Variants in SRGAP1 observed in about 807,000 individuals in gnomAD.
The protein encoded by SRGAP1 is SLIT-ROBO Rho GTPase activating protein 1, also known as SLIT-ROBO Rho GTPase-activating protein 1.
A neutral mutation model predicts 121.9 loss-of-function variants in SRGAP1; 43 were observed. The ratio of observed to expected loss-of-function variants is 0.35; its 90% CI spans 0.28 to 0.46. SRGAP1 has a LOEUF of 0.46. Among genes scored for constraint, SRGAP1 ranks in the 20% least tolerant of loss-of-function variants. SRGAP1 has a pLI of 1.00. For synonymous variants in SRGAP1, 447 were observed against 485.4 expected (o/e 0.92, Z 1.04); for missense variants, 1,102 against 1,350.9 (o/e 0.82, Z 2.89).
At chr12:63,943,270 T>A (rs1168882717) in intron 1 of SRGAP1, among the ~76,000 whole-genome samples, 1 of 152,244 alleles carries the variant, frequency 6.6e-6, no homozygotes, top group Non-Finnish European at 1.5e-5. Flanking sequence ...TGCAAGGCCC[T>A]GTGCCAGGAG....
At chr12:63,870,909 G>A (rs1416904173) in intron 1 of SRGAP1, among the ~76,000 whole-genome samples, 1 of 152,096 alleles carries the variant, frequency 6.6e-6, no homozygotes, top group Non-Finnish European at 1.5e-5. Flanking sequence ...TTGGGAAAGA[G>A]GTTGTATCTC....
At chr12:64,088,390 A>G (rs2035985710) in intron 11 of SRGAP1, among the ~76,000 whole-genome samples, 1 of 152,220 alleles carries the variant, frequency 6.6e-6, no homozygotes, top group Non-Finnish European at 1.5e-5. Flanking sequence ...AGGCACTTCA[A>G]AAAAAGAGAT....
intron 4 of SRGAP1, among the ~76,000 whole-genome samples, chr12:64,026,762 A>G (rs1055028475): frequency 3.3e-5 from 5 of 151,764 alleles, no homozygotes; most frequent in Admixed American, 2.6e-4. Flanking sequence ...GCTACTTGGA[A>G]GGCTGAGTCG....
At chr12:63,903,754 CCT>C (rs1445998854) in intron 1 of SRGAP1, among the ~76,000 whole-genome samples, 2 of 152,106 alleles carry the variant, frequency 1.3e-5, no homozygotes, top group African/African-American at 4.8e-5. Flanking sequence ...CCTGCCTCAG[CCT>C]CCTGAGTAGC....
intron 18 of SRGAP1, among the ~76,000 whole-genome samples, chr12:64,124,731 C>T (rs2036660180): frequency 6.6e-6 from 1 of 152,158 alleles, no homozygotes; most frequent in African/African-American, 2.4e-5. Context: ...AGAATTAGAT[C>T]AGAGCTGAAT....
intron 6 of SRGAP1, among the ~76,000 whole-genome samples, chr12:64,044,382 T>C (rs901160977): frequency 5.9e-5 from 9 of 152,146 alleles, no homozygotes; most frequent in African/African-American, 2.2e-4. Context: ...TTAAGTGCCA[T>C]AAAAACAGCA....
Position 64,127,614 on chromosome 12 carries a change from G to A in SRGAP1, c.2430G>A (p.Leu810=), listed in dbSNP as rs1381033904. The A allele has an allele frequency of 6.2e-7, 1 of 1,613,806 alleles. No homozygotes were observed. The highest frequency in any genetic ancestry group is 8.5e-7 in the Non-Finnish European group (1 of 1,179,954). ...QDMDDTFSDT[L]SQKADSEASS... The stretch of plus-strand genomic sequence containing the variant: ...GGGATGATACGTTTTCAGACACTCT[G>A]AGCCAAAAAGCCGACAGTGAGGCCA... Residue 810 remains leucine (L), a synonymous_variant, in exon 20 of 22, where the codon CTG becomes CTA. Transcript: ENST00000355086.
intron 1 of SRGAP1, among the ~76,000 whole-genome samples, chr12:63,967,818 C>G (rs2032831177): frequency 6.6e-6 from 1 of 152,214 alleles, no homozygotes; most frequent in African/African-American, 2.4e-5. Context: ...TGTATCAGCA[C>G]TGAGAGCAGA....
chr12:63,967,689 T>G (rs2032828432), intron 1 of SRGAP1, among the ~76,000 whole-genome samples: 1 of 152,176 alleles, frequency 6.6e-6, no homozygotes, highest in Admixed American at 6.5e-5. Flanking sequence ...TGTTGTTAAG[T>G]GTGAGATTCT....
chr12:63,877,253 G>C (rs970912728), intron 1 of SRGAP1, among the ~76,000 whole-genome samples: 2 of 152,110 alleles, frequency 1.3e-5, no homozygotes, highest in African/African-American at 4.8e-5. Flanking sequence ...TAATGGATGG[G>C]AATGCTTCTT....
At chr12:64,079,310 TTTAG>T (rs775057340) in intron 9 of SRGAP1, among the ~76,000 whole-genome samples, 194 bp downstream of exon 9, 16 of 152,086 alleles carry the variant, frequency 1.1e-4, no homozygotes, top group African/African-American at 3.4e-4. Flanking sequence ...TTAGGAGTTA[TTTAG>T]TTAGTTAGAG....
chr12:63,987,173 T>C (rs2033441288), intron 2 of SRGAP1, among the ~76,000 whole-genome samples: 1 of 152,212 alleles, frequency 6.6e-6, no homozygotes, highest in South Asian at 2.1e-4. Flanking sequence ...TCCTTCTCCT[T>C]TTAACCAAAC....
chr12:64,099,394 A>G (rs2036218990), intron 15 of SRGAP1, among the ~76,000 whole-genome samples: 2 of 152,204 alleles, frequency 1.3e-5, no homozygotes, highest in African/African-American at 4.8e-5. Flanking sequence ...CCCGAAGGTT[A>G]GGAATTAGTT....
At chr12:63,935,764 A>G (rs2031642504) in intron 1 of SRGAP1, among the ~76,000 whole-genome samples, 2 of 152,326 alleles carry the variant, frequency 1.3e-5, no homozygotes, top group South Asian at 2.1e-4. Flanking sequence ...TCCTCCAAAG[A>G]AATAGAGCAG....
At chr12:63,873,473 C>T (rs1899922517) in intron 1 of SRGAP1, among the ~76,000 whole-genome samples, 1 of 146,348 alleles carries the variant, frequency 6.8e-6, no homozygotes, top group Admixed American at 7.0e-5. Context: ...GCAGAAGTTG[C>T]AGTGAGCCGA....
chr12:63,939,717 A>G (rs2031796545), intron 1 of SRGAP1, among the ~76,000 whole-genome samples: 2 of 152,174 alleles, frequency 1.3e-5, no homozygotes, highest in African/African-American at 4.8e-5. Context: ...AATTATTCCT[A>G]GTGTTAAGCT....
intron 3 of SRGAP1, among the ~76,000 whole-genome samples, chr12:63,990,370 A>G (rs1362700815): frequency 6.6e-6 from 1 of 152,102 alleles, no homozygotes; most frequent in African/African-American, 2.4e-5. Context: ...TGTCTCTACT[A>G]AAAACACAGA....
chr12:64,079,139 C>CTACAGAGCTCCCCA, intron 9 of SRGAP1, 23 bp downstream of exon 9: 1 of 1,613,024 alleles, frequency 6.2e-7, no homozygotes, highest in Non-Finnish European at 8.5e-7. Context: ...CTTCCCAAGC[C>CTACAGAGCTCCCCA]ACTCTACAGA....
At chr12:64,024,444 AAAAAAG>A (rs776846281) in intron 4 of SRGAP1, among the ~76,000 whole-genome samples, 12 of 152,294 alleles carry the variant, frequency 7.9e-5, no homozygotes, top group South Asian at 4.1e-4. Context: ...TCCAGTCTCA[AAAAAAG>A]AAAAAGAAAA....
Sources: gnomAD v4.1 joint callset for allele counts (sites outside exome capture counted in the v4.1 genomes callset) on GRCh38, gnomAD v4.1.1 for gene constraint, MANE v1.5 for transcripts, NCBI Gene and HGNC (gene_info 2026-07-23, HGNC 2026-07-21) for gene names.